The following DENND2B variants were observed in gnomAD, a reference collection of about 807,000 sequenced individuals.
DENND2B encodes the protein DENN domain containing 2B.
A neutral mutation model predicts 116.0 loss-of-function variants in DENND2B; 32 were observed. The observed-to-expected ratio is 0.28, with a 90% CI of 0.21 to 0.37. DENND2B has a LOEUF of 0.37. Ranked by LOEUF, DENND2B falls within the 10% of genes least tolerant of loss-of-function variation. The pLI, the probability that DENND2B is intolerant of heterozygous loss-of-function variation, is 1.00. For missense variants in DENND2B, 1,276 were observed against 1,477.7 expected (o/e 0.86, Z 2.24); for synonymous variants, 588 against 583.9 (o/e 1.01, Z -0.10).
At chr11:8,905,703 CAT>C (rs138377022) in intron 1 of DENND2B, among the ~76,000 whole-genome samples, 7,491 of 151,986 alleles carry the variant, frequency 0.049, 499 homozygotes, top group African/African-American at 0.16. Context: ...GAAATGAAAA[CAT>C]GTGTCCACAC....
At chr11:8,806,064 G>C (rs1229913240) in intron 1 of DENND2B, among the ~76,000 whole-genome samples, 1 of 152,178 alleles carries the variant, frequency 6.6e-6, no homozygotes, top group African/African-American at 2.4e-5. Flanking sequence ...AGGCCTCCGA[G>C]GTCAGCCCTT....
upstream of DENND2B, among the ~76,000 whole-genome samples, chr11:8,811,752 G>A (rs746123664): frequency 6.6e-6 from 1 of 151,872 alleles, no homozygotes; most frequent in Non-Finnish European, 1.5e-5. Context: ...ATTTCTTTTA[G>A]AGACAGGATC....
At position 8,730,490 on chromosome 11, in the gene DENND2B, G is replaced by T; in HGVS notation, c.800C>A (p.Ala267Asp). 1 of 1,612,288 alleles carries T rather than the reference G, an allele frequency of 6.2e-7. No individual in the cohort carries two copies. The highest frequency in any genetic ancestry group is 8.5e-7 in the Non-Finnish European group (1 of 1,180,020). ...CCTGCTGCCATGCCCCCTGAGGAAG[G>T]CGCTGGGCTCACTCCGGCCCAGCCG... ...EKRLGRSEPS[A>D]FLRGHGSRKE... The change falls in exon 3 of 20, where the codon GCC (alanine) becomes GAC (aspartate). Residue 267 changes from alanine (A) to aspartate (D), a missense_variant. Around this residue, in one of 2 missense-constraint regions of DENND2B, gnomAD observed 856 missense variants for 846.6 expected, o/e 1.01. Transcript: ENST00000313726. The surrounding 1 kb of genome is among the most constrained non-coding windows in gnomAD (Gnocchi z 4.1).
intron 1 of DENND2B, among the ~76,000 whole-genome samples, chr11:8,894,726 G>A (rs185398927): frequency 0.077 from 11,668 of 151,904 alleles, 704 homozygotes; most frequent in South Asian, 0.25. Context: ...TTAGAATGGC[G>A]GTCATTAAAA....
At chr11:8,874,806 T>A (rs1014620009), upstream of DENND2B, among the ~76,000 whole-genome samples, 1 of 151,594 alleles carries the variant, frequency 6.6e-6, no homozygotes, top group Non-Finnish European at 1.5e-5. Context: ...ACACCTCTAG[T>A]CCCAGCTACT....
At chr11:8,719,660 G>A (rs1215522460) in intron 4 of DENND2B, among the ~76,000 whole-genome samples, 2 of 152,204 alleles carry the variant, frequency 1.3e-5, no homozygotes, top group Non-Finnish European at 2.9e-5. Context: ...AGGTGTTGGG[G>A]ATGGATTCTC....
chr11:8,874,843 T>C (rs774513159), upstream of DENND2B, among the ~76,000 whole-genome samples: 8 of 152,096 alleles, frequency 5.3e-5, no homozygotes, highest in Non-Finnish European at 1.0e-4. Context: ...GAGGATTGCT[T>C]GAGCCCAGGA....
At position 8,707,674 on chromosome 11, in the gene DENND2B, C is replaced by T. The variant is rs144734464; in HGVS notation, c.2430+103G>A. On this transcript the variant is annotated intron_variant, in intron 12 of 19. Coordinates refer to ENST00000313726, the MANE Select transcript of DENND2B (RefSeq NM_213618.2). This position sits in a 1 kb window ranked among gnomAD's most constrained non-coding sequence, Gnocchi z 4.8. ...TTGTTCCTGCATTCTGTCTCCCGCT[C>T]GCTCACAGTCACAGGTGGTTTTCTC... 4.9e-3 allele frequency: 5,470 copies of T among 1,108,530 alleles called. 18 individuals are homozygous for T. The highest frequency in any genetic ancestry group is 0.012 in the Middle Eastern group (41 of 3,512). 68.7% of individuals were successfully genotyped at this position (1,108,530 alleles called of 1,614,324 possible).
intron 2 of DENND2B, among the ~76,000 whole-genome samples, chr11:8,748,530 C>T (rs2051722690): frequency 1.3e-5 from 2 of 151,914 alleles, no homozygotes; most frequent in Non-Finnish European, 2.9e-5. Context: ...TAAATAATAC[C>T]TACACCCCAG....
rs4929939 is a variant in DENND2B, at chr11:8,787,599, C to A, written c.-26+22918G>T. ...CATAAAAACACGTAAGCAAGTGTGT[C>A]GGTCAGTCACTCCCTTAAACACAGG... On this transcript the variant is annotated intron_variant, in intron 1 of 19. Transcript: ENST00000313726. 3.6e-3 allele frequency among the ~76,000 whole-genome samples: 546 copies of A among 152,324 alleles called. 4 individuals carry two copies. The highest frequency in any genetic ancestry group is 0.012 in the African/African-American group (503 of 41,562).
chr11:8,845,147 G>A (rs1431991392), intron 3 of DENND2B: 2 of 152,020 alleles, frequency 1.3e-5, no homozygotes, highest in African/African-American at 2.4e-5. Context: ...TTTAGAAATT[G>A]GTACTATTAT....
chr11:8,796,556 A>G (rs1315498550), intron 1 of DENND2B, among the ~76,000 whole-genome samples: 1 of 152,202 alleles, frequency 6.6e-6, no homozygotes, highest in Admixed American at 6.5e-5. Flanking sequence ...AGAAGTATCA[A>G]CCCATAGAAA....
At chr11:8,852,284 T>C (rs2063035354) in intron 3 of DENND2B, among the ~76,000 whole-genome samples, 1 of 152,162 alleles carries the variant, frequency 6.6e-6, no homozygotes, top group Non-Finnish European at 1.5e-5. Flanking sequence ...GGTGGAATTA[T>C]CCTGTCAAAG....
intron 2 of DENND2B, among the ~76,000 whole-genome samples, chr11:8,749,357 G>A (rs377403875): frequency 2.6e-4 from 39 of 152,368 alleles, no homozygotes; most frequent in African/African-American, 9.1e-4. Flanking sequence ...CTAAATGAGA[G>A]GGATTGCCTG....
Position 8,702,744 on chromosome 11 carries a change from G to A in DENND2B, c.2572-24C>T, listed in dbSNP as rs2041933243. On this transcript the variant is annotated intron_variant, in intron 13 of 19. Transcript: ENST00000313726. This position sits in a 1 kb window ranked among gnomAD's most constrained non-coding sequence, Gnocchi z 4.6. ...ACCTGCAGGAGAGCGATGGGAAAGT[G>A]GGCCGGGGCCAGCCAAGTGGGTGCT... 6.2e-7 allele frequency: 1 copy of A among 1,607,048 alleles called. No individual in the cohort carries two copies. The highest frequency in any genetic ancestry group is 2.2e-5 in the East Asian group (1 of 44,802).
Position 8,730,038 on chromosome 11 carries a change from C to G in DENND2B, c.1252G>C (p.Ala418Pro). 1 of 1,614,168 alleles carries G rather than the reference C, an allele frequency of 6.2e-7. No homozygotes were observed. The highest frequency in any genetic ancestry group is 8.5e-7 in the Non-Finnish European group (1 of 1,180,022). ...NGLPPSPTPA[A>P]PPPLPSTPAP... is the part of the protein sequence containing the mutation. ...GGGGTGGAGGGCAAGGGAGGTGGAG[C>G]AGCAGGTGTGGGTGAAGGAGGTAGA... The change falls in exon 3 of 20, where the codon GCT becomes CCT. Residue 418 changes from alanine to proline, a missense_variant. Physicochemically the swap from Ala to Pro is conservative, Grantham distance 27. This residue lies in a region of DENND2B where 856 missense variants were observed against 846.6 expected (regional missense o/e 1.01). Transcript: ENST00000313726. The surrounding 1 kb of genome is among the most constrained non-coding windows in gnomAD (Gnocchi z 4.1).
At chr11:8,728,477 T>C (rs975213476) in intron 3 of DENND2B, among the ~76,000 whole-genome samples, 11 of 152,200 alleles carry the variant, frequency 7.2e-5, no homozygotes, top group African/African-American at 2.7e-4. Context: ...GATTTAAGTT[T>C]GCTAAGTTAA....
chr11:8,711,666 G>A (rs911638560), intron 9 of DENND2B, among the ~76,000 whole-genome samples: 4 of 152,166 alleles, frequency 2.6e-5, no homozygotes, highest in Middle Eastern at 3.4e-3. Flanking sequence ...TTGGGAGTTC[G>A]AGACCAGCCT....
rs760278581 is a variant in DENND2B at position 8,710,994 on chromosome 11, TC to T, written c.2283-81del. On this transcript the variant is annotated intron_variant, in intron 10 of 19. Coordinates refer to ENST00000313726, the MANE Select transcript of DENND2B (RefSeq NM_213618.2). ...CCCCCAAGAATAGGGACCGTCATTTTCACGTGGGGTGAAGGGCCAGGTTGCT... is the reference window on the plus strand; with the variant it reads ...CCCCCAAGAATAGGGACCGTCATTTTACGTGGGGTGAAGGGCCAGGTTGCT... The T allele has an allele frequency of 5.0e-6, 8 of 1,585,914 alleles. No individual in the cohort carries two copies. The African/African-American group carries it at 9.4e-5, about 19-fold the overall frequency.
Sources: gnomAD v4.1 joint callset for allele counts (sites outside exome capture counted in the v4.1 genomes callset) on GRCh38, gnomAD v4.1.1 for gene constraint, gnomAD v4.1.1 regional missense constraint, Gnocchi (gnomAD v3.1) non-coding constraint, MANE v1.5 for transcripts, NCBI Gene and HGNC (gene_info 2026-07-23, HGNC 2026-07-21) for gene names.